Variants in PRR27 observed in about 807,000 individuals in gnomAD.
PRR27 encodes the protein proline rich 27.
In PRR27, 12 loss-of-function variants were observed where a neutral mutation model predicts 16.8. The ratio of observed to expected loss-of-function variants is 0.71; its 90% CI spans 0.46 to 1.16. The LOEUF (loss-of-function observed/expected upper bound fraction) is 1.16, where lower values mean the gene tolerates loss of function less well. Ranked by LOEUF, PRR27 falls within the 50% of genes most tolerant of loss-of-function variation. The pLI is 0.00. For synonymous variants in PRR27, 100 were observed against 98.4 expected (o/e 1.02, Z -0.10); for missense variants, 277 against 273.3 (o/e 1.01, Z -0.10).
chr4:70,156,087 T>C lies in PRR27; in HGVS notation c.75+10T>C, dbSNP rs1357188041. ...CCCCTTCATTGGTGAGGTAAAACTTTTTTTTCTTTACACGCAAGTATATTT... is the reference window on the plus strand; with the variant it reads ...CCCCTTCATTGGTGAGGTAAAACTTCTTTTTCTTTACACGCAAGTATATTT... On this transcript the variant is annotated intron_variant, in intron 2 of 4. Coordinates refer to ENST00000344526, the MANE Select transcript of PRR27 (RefSeq NM_214711.4). The C allele has an allele frequency of 2.1e-6, 3 of 1,401,060 alleles. No homozygotes were observed. Among genetic ancestry groups the C allele is most frequent in the Non-Finnish European group, 2.9e-6 (3 of 1,044,758 alleles). The allele number at this position is 1,401,060 out of a possible 1,614,324, so 86.8% of individuals were successfully genotyped here. A position where few individuals can be genotyped will look rare whatever the true frequency, so the allele number is the denominator to read the frequency against.
At position 70,154,560 on chromosome 4, in the gene PRR27, TGTA is replaced by T. The variant is rs1214400569; in HGVS notation, c.51+137_51+139del. 3 of 871,550 alleles carry T rather than the reference TGTA, an allele frequency of 3.4e-6. No individual in the cohort carries two copies. In the African/African-American group the frequency reaches 5.1e-5, roughly 15 times the overall value. 54.0% of individuals were successfully genotyped at this position (871,550 alleles called of 1,614,324 possible). On this transcript the variant is annotated intron_variant, in intron 1 of 4. Transcript: ENST00000344526. ...GAGAGACATAGATGGACATGAGATT[TGTA>T]GTGTCAGACTTTTCAACGGAAAATT...
At position 70,160,443 on chromosome 4, in the gene PRR27, C is replaced by CTCTGTGTGTGTGTG. The variant is rs1298386504; in HGVS notation, c.649-1142_649-1141insCTGTGTGTGTGTGT. Reference sequence around the variant, plus strand: ...TCTCTCTCTCTCTCTCTCTCTCTCTCTGTGTGTGTGTGTGTGTGTGTGTGT... The same window carrying CTCTGTGTGTGTGTG: ...TCTCTCTCTCTCTCTCTCTCTCTCTCTCTGTGTGTGTGTGTGTGTGTGTGTGTGTGTGTGTGTGT... On this transcript the variant is annotated intron_variant, in intron 3 of 4. Transcript: ENST00000344526. 3.8e-3 allele frequency among the ~76,000 whole-genome samples: 258 copies of CTCTGTGTGTGTGTG among 68,700 alleles called. 5 individuals are homozygous for CTCTGTGTGTGTGTG. Among genetic ancestry groups the CTCTGTGTGTGTGTG allele is most frequent in the Middle Eastern group, 0.014 (1 of 72 alleles). 45.1% of individuals were successfully genotyped at this position (68,700 alleles called of 152,430 possible).
In PRR27 at chr4:70,154,310, A is replaced by T; in HGVS notation, c.-66A>T. 10 of 1,279,492 alleles carry T rather than the reference A, an allele frequency of 7.8e-6. No individual in the cohort carries two copies. The South Asian group carries it at 1.0e-4, about 13-fold the overall frequency. 79.3% of individuals were successfully genotyped at this position (1,279,492 alleles called of 1,614,324 possible). ...CTCTAAAAGAAGAAAAATATAATTT[A>T]AAAATACATTGCGTATTTTCTAAAA... On this transcript the variant is annotated 5_prime_UTR_variant, in exon 1 of 5. Transcript: ENST00000344526.
intron 4 of PRR27, among the ~76,000 whole-genome samples, chr4:70,162,308 T>C (rs993098628): frequency 6.6e-6 from 1 of 152,220 alleles, no homozygotes; most frequent in Admixed American, 6.5e-5. Flanking sequence ...CTAGCTAAAG[T>C]AGAATTGAAA....
In PRR27 at chr4:70,155,941, A is replaced by G. The variant is rs555077852; in HGVS notation, c.52-113A>G. On this transcript the variant is annotated intron_variant, in intron 1 of 4. Coordinates refer to ENST00000344526, the MANE Select transcript of PRR27 (RefSeq NM_214711.4). The stretch of plus-strand genomic sequence containing the variant: ...TCATATTAGTTACTCAAATTTCAAA[A>G]AAATTAACCATAAGTATTATTAAGC... 3.8e-5 allele frequency: 25 copies of G among 654,348 alleles called. 1 individual carries two copies. The South Asian group carries it at 4.0e-4, about 10-fold the overall frequency. The allele number at this position is 654,348 out of a possible 1,614,324, so 40.5% of individuals were successfully genotyped here.
Position 70,158,382 on chromosome 4 carries a change from A to AT in PRR27, c.131dup (p.Arg45ThrfsTer25), listed in dbSNP as rs1560469206. On this transcript the variant is annotated frameshift_variant, in exon 3 of 5. Transcript: ENST00000344526. LOFTEE classifies it high-confidence loss of function. ...TCCATCTCTGAATATTCCTTATGGC[A>AT]TACGGAATTTACCACCTCCTCTTTA... The AT allele has an allele frequency of 6.2e-7, 1 of 1,612,834 alleles. No homozygotes were observed. The highest frequency in any genetic ancestry group is 2.2e-5 in the East Asian group (1 of 44,852).
In PRR27 at chr4:70,158,525, TG is replaced by T. The variant is rs756800923; in HGVS notation, c.275del (p.Gly92ValfsTer4). The T allele has an allele frequency of 6.2e-7, 1 of 1,614,152 alleles. No homozygotes were observed. The highest frequency in any genetic ancestry group is 1.7e-5 in the Admixed American group (1 of 60,024). ...GATTCCCCTATGTCTATCACATCCG[TG>T]GTTTTCCCTTAGCTACTCAGTTGAA... ...PGFPYVYHIR[G>X]FPLATQLNVP... is the part of the protein sequence containing the mutation. On this transcript the variant is annotated frameshift_variant, in exon 3 of 5. Coordinates refer to ENST00000344526, the MANE Select transcript of PRR27 (RefSeq NM_214711.4). LOFTEE classifies it high-confidence loss of function.
chr4:70,154,784 T>C (rs766775244), intron 1 of PRR27: 1 of 1,307,904 alleles, frequency 7.6e-7, no homozygotes, highest in South Asian at 1.2e-5. Flanking sequence ...GAAGTGCCAT[T>C]GCTGGAGGTA....
chr4:70,160,439 CTCTCTG>C (rs1200824356), intron 3 of PRR27, among the ~76,000 whole-genome samples: 3 of 87,346 alleles, frequency 3.4e-5, no homozygotes, highest in African/African-American at 1.2e-4. Context: ...CTCTCTCTCT[CTCTCTG>C]TGTGTGTGTG....
chr4:70,157,762 G>A (rs1050568919), intron 2 of PRR27, among the ~76,000 whole-genome samples: 2 of 152,018 alleles, frequency 1.3e-5, no homozygotes, highest in Non-Finnish European at 1.5e-5. Flanking sequence ...CTCGTGATCC[G>A]CCCTCTTCGG....
At position 70,158,430 on chromosome 4, in the gene PRR27, C is replaced by T; in HGVS notation, c.178C>T (p.Pro60Ser). Reference protein sequence around the residue: ...PLYYRPVNTVPSYPGNTYTDT... With the variant: ...PLYYRPVNTVSSYPGNTYTDT... ...TTATTATCGCCCAGTGAATACAGTC[C>T]CCAGTTACCCTGGGAATACTTACAC... is the stretch of plus-strand genomic sequence containing the variant. Residue 60 changes from proline to serine, a missense_variant, in exon 3 of 5, where the codon CCC becomes TCC. Pro to Ser is a moderately conservative substitution (Grantham distance 74). Transcript: ENST00000344526. 1 of 1,613,838 alleles carries T rather than the reference C, an allele frequency of 6.2e-7. No homozygotes were observed. Among genetic ancestry groups the T allele is most frequent in the Non-Finnish European group, 8.5e-7 (1 of 1,179,804 alleles).
intron 3 of PRR27, among the ~76,000 whole-genome samples, chr4:70,160,443 C>CTCTCTGTGTGTGTGTG (rs1298386504): frequency 0.021 from 1,472 of 68,610 alleles, 46 homozygotes; most frequent in African/African-American, 0.039. Flanking sequence ...CTCTCTCTCT[C>CTCTCTGTGTGTGTGTG]TGTGTGTGTG....
intron 3 of PRR27, among the ~76,000 whole-genome samples, chr4:70,159,589 C>T (rs1728590195): frequency 6.6e-6 from 1 of 152,138 alleles, no homozygotes; most frequent in Non-Finnish European, 1.5e-5. Flanking sequence ...CCTACATACC[C>T]TCCTCCTCCT....
chr4:70,158,701 C>T lies in PRR27; in HGVS notation c.449C>T (p.Ala150Val), dbSNP rs369581794. The T allele has an allele frequency of 2.4e-5, 38 of 1,613,226 alleles. No homozygotes were observed. Among genetic ancestry groups the T allele is most frequent in the Non-Finnish European group, 3.1e-5 (36 of 1,179,472 alleles). ...TATPVAAEPA[A>V]GAPVAAEPAA... ...ACACCTGTAGCAGCTGAGCCTGCTG[C>T]AGGGGCCCCTGTTGCAGCTGAGCCT... The change falls in exon 3 of 5, where the codon GCA becomes GTA. Residue 150 changes from alanine to valine, a missense_variant. Coordinates refer to ENST00000344526, the MANE Select transcript of PRR27 (RefSeq NM_214711.4).
At chr4:70,160,443 C>CTCTGTGTG (rs1298386504) in intron 3 of PRR27, among the ~76,000 whole-genome samples, 12 of 68,680 alleles carry the variant, frequency 1.7e-4, no homozygotes, top group East Asian at 5.5e-4. Flanking sequence ...CTCTCTCTCT[C>CTCTGTGTG]TGTGTGTGTG....
chr4:70,160,443 C>CTCTCTCTCTCTCTCTCTCTGTGTGTGTG (rs1298386504), intron 3 of PRR27, among the ~76,000 whole-genome samples: 4 of 68,704 alleles, frequency 5.8e-5, no homozygotes, highest in East Asian at 5.5e-4. Context: ...CTCTCTCTCT[C>CTCTCTCTCTCTCTCTCTCTGTGTGTGTG]TGTGTGTGTG....
intron 1 of PRR27, among the ~76,000 whole-genome samples, chr4:70,155,425 C>A (rs1285110853): frequency 1.3e-5 from 2 of 150,404 alleles, no homozygotes; most frequent in East Asian, 3.9e-4. Context: ...AGTGCAGTGG[C>A]GCGACCTGGG....
intron 1 of PRR27, among the ~76,000 whole-genome samples, chr4:70,155,616 C>T (rs553249258): frequency 2.8e-4 from 42 of 152,256 alleles, no homozygotes; most frequent in Non-Finnish European, 3.4e-4. Flanking sequence ...GATCCGCCCC[C>T]TCGGCCTCCC....
rs1408228186 is a variant in PRR27 at position 70,160,439 on chromosome 4, C to CTGTG, written c.649-1146_649-1145insGTGT. ...TCTCTCTCTCTCTCTCTCTCTCTCT[C>CTGTG]TCTCTGTGTGTGTGTGTGTGTGTGT... On this transcript the variant is annotated intron_variant, in intron 3 of 4. Coordinates refer to ENST00000344526, the MANE Select transcript of PRR27 (RefSeq NM_214711.4). 8.3e-3 allele frequency among the ~76,000 whole-genome samples: 728 copies of CTGTG among 87,248 alleles called. 15 individuals are homozygous for CTGTG. Among genetic ancestry groups the CTGTG allele is most frequent in the African/African-American group, 0.028 (691 of 24,810 alleles). The allele number at this position is 87,248 out of a possible 152,430, so 57.2% of individuals were successfully genotyped here.
Sources: allele counts gnomAD v4.1 joint callset (sites outside exome capture counted in the v4.1 genomes callset), GRCh38; gene constraint gnomAD v4.1.1; transcripts MANE v1.5; gene names NCBI Gene and HGNC (gene_info 2026-07-23, HGNC 2026-07-21).